The following USP12 variants were observed in gnomAD, a reference collection of about 807,000 sequenced individuals.
USP12 encodes ubiquitin carboxyl-terminal hydrolase 12.
Under a neutral mutation model 45.5 loss-of-function variants are expected in USP12, and 19 were observed. The observed-to-expected ratio is 0.42, with a 90% confidence interval of 0.29 to 0.61. The LOEUF (loss-of-function observed/expected upper bound fraction) is 0.61. Among genes scored for constraint, USP12 ranks in the 20% least tolerant of loss-of-function variants. The pLI, the probability that USP12 is intolerant of heterozygous loss-of-function variation, is 0.22. For missense variants in USP12, 242 were observed against 447.7 expected, an observed-to-expected ratio of 0.54 and a Z score of 4.15; for synonymous variants, 149 against 148.8, an observed-to-expected ratio of 1.00 and a Z score of -0.01.
rs191243677 is a variant in USP12, at chr13:27,118,928, G to C, written c.49-2332C>G. Among the ~76,000 whole-genome samples the C allele has an allele frequency of 4.8e-3, 724 of 152,290 alleles. 6 individuals are homozygous for C. Among genetic ancestry groups the C allele is most frequent in the African/African-American group, 0.015 (619 of 41,562 alleles). On this transcript the variant is annotated intron_variant, in intron 1 of 8. Transcript: ENST00000282344. Reference sequence around the variant, plus strand: ...ACATACTTTCATGCCTGCTTAGTAAGCTCTTCTCCCACTCCCTTGTCCTCA... The same window carrying C: ...ACATACTTTCATGCCTGCTTAGTAACCTCTTCTCCCACTCCCTTGTCCTCA...
Position 27,105,723 on chromosome 13 carries a change from A to G in USP12, c.343+8T>C. Reference sequence around the variant, plus strand: ...GTATGTCATTAATACAGTGGGAAGTAGAATTACCATTTTCTTTCCGTAATC... The same window carrying G: ...GTATGTCATTAATACAGTGGGAAGTGGAATTACCATTTTCTTTCCGTAATC... On this transcript the variant is annotated splice_region_variant and intron_variant, in intron 3 of 8. Coordinates refer to ENST00000282344, the MANE Select transcript of USP12 (RefSeq NM_182488.4). 6.2e-7 allele frequency: 1 copy of G among 1,611,690 alleles called. No individual in the cohort carries two copies.
At chr13:27,167,511 TAGA>T (rs772717016) in intron 1 of USP12, among the ~76,000 whole-genome samples, 5 of 152,152 alleles carry the variant, frequency 3.3e-5, no homozygotes, top group Admixed American at 3.3e-4. Context: ...ATTTATGTAA[TAGA>T]AGATTCCTTA....
At chr13:27,081,466 T>C (rs1020292557) in intron 6 of USP12, among the ~76,000 whole-genome samples, 3 of 152,236 alleles carry the variant, frequency 2.0e-5, no homozygotes, top group African/African-American at 7.2e-5. Flanking sequence ...GTTCTCTTGC[T>C]GTTTCCACCA....
chr13:27,100,371 C>T (rs1015356217), intron 3 of USP12, among the ~76,000 whole-genome samples: 3 of 152,134 alleles, frequency 2.0e-5, no homozygotes, highest in Non-Finnish European at 1.5e-5. Context: ...GTCCTCCATT[C>T]TGTTCTAAAC....
intron 6 of USP12, among the ~76,000 whole-genome samples, chr13:27,083,767 C>T (rs1017287052): frequency 3.9e-5 from 6 of 151,996 alleles, no homozygotes; most frequent in African/African-American, 1.4e-4. Context: ...AAAGCAAATT[C>T]ATTTGATCAT....
intron 2 of USP12, among the ~76,000 whole-genome samples, chr13:27,115,028 T>C (rs17085207): frequency 0.011 from 1,716 of 152,282 alleles, 40 homozygotes; most frequent in African/African-American, 0.039. Flanking sequence ...TTTCTGAGCA[T>C]AATTCACAAT....
At chr13:27,108,866 T>A (rs1459518217) in intron 2 of USP12, among the ~76,000 whole-genome samples, 1 of 152,070 alleles carries the variant, frequency 6.6e-6, no homozygotes, top group Non-Finnish European at 1.5e-5. Context: ...GCTGGGGTGG[T>A]AGAGGCAGAG....
At chr13:27,079,688 A>G (rs1873660167) in intron 6 of USP12, among the ~76,000 whole-genome samples, 1 of 152,206 alleles carries the variant, frequency 6.6e-6, no homozygotes, top group African/African-American at 2.4e-5. Flanking sequence ...ATTTTTATAA[A>G]TTGTGTGAGC....
chr13:27,085,204 G>A (rs969274978), intron 6 of USP12, among the ~76,000 whole-genome samples: 21 of 148,304 alleles, frequency 1.4e-4, no homozygotes, highest in African/African-American at 4.0e-4. Context: ...ATGGAGTCTC[G>A]CTCTGTTGCC....
At chr13:27,141,570 G>A (rs1326360046) in intron 1 of USP12, among the ~76,000 whole-genome samples, 1 of 152,142 alleles carries the variant, frequency 6.6e-6, no homozygotes, top group Non-Finnish European at 1.5e-5. Flanking sequence ...AAACACAGGA[G>A]CCAGCTTGAA....
chr13:27,109,742 C>T (rs545550892), intron 2 of USP12, among the ~76,000 whole-genome samples: 3 of 151,634 alleles, frequency 2.0e-5, no homozygotes, highest in Non-Finnish European at 2.9e-5. Flanking sequence ...GGTGAAACCC[C>T]GTCTCTACTA....
chr13:27,074,708 AGAAGAT>A (rs1324483606), intron 7 of USP12, among the ~76,000 whole-genome samples: 1 of 152,238 alleles, frequency 6.6e-6, no homozygotes, highest in African/African-American at 2.4e-5. Flanking sequence ...ATGTTGGAAA[AGAAGAT>A]GAGAAGAAGA....
At chr13:27,089,582 A>G in intron 6 of USP12, 1 of 248,838 alleles carries the variant, frequency 4.0e-6, no homozygotes, top group Non-Finnish European at 7.9e-6. Context: ...AACCCTCTTC[A>G]CCAAGAAAAA....
intron 1 of USP12, among the ~76,000 whole-genome samples, chr13:27,128,422 T>A (rs1876342104): frequency 6.6e-6 from 1 of 152,200 alleles, no homozygotes; most frequent in Non-Finnish European, 1.5e-5. Context: ...CAGATCCTAC[T>A]TTCCTAACAA....
chr13:27,114,318 C>T (rs1875609567), intron 2 of USP12, among the ~76,000 whole-genome samples: 1 of 152,182 alleles, frequency 6.6e-6, no homozygotes, highest in Admixed American at 6.5e-5. Context: ...AAAATAAGTA[C>T]TAACCAGCTA....
chr13:27,099,295 T>C (rs1269235278), intron 3 of USP12, among the ~76,000 whole-genome samples: 2 of 152,182 alleles, frequency 1.3e-5, no homozygotes, highest in African/African-American at 2.4e-5. Context: ...AAAAATAACA[T>C]AGAGCTTTCC....
At chr13:27,080,529 C>T (rs1249370928) in intron 6 of USP12, among the ~76,000 whole-genome samples, 2 of 152,114 alleles carry the variant, frequency 1.3e-5, no homozygotes, top group Non-Finnish European at 2.9e-5. Flanking sequence ...AAGAACAGGA[C>T]TGGTCCCAGA....
Position 27,161,517 on chromosome 13 carries a change from T to A in USP12, c.48+10075A>T, listed in dbSNP as rs149335490. ...ACCAATACTGTAGAAATAAAGGCAA[T>A]TTACTCACTATAATTTTATACCTTT... On this transcript the variant is annotated intron_variant, in intron 1 of 8. Coordinates refer to ENST00000282344, the MANE Select transcript of USP12 (RefSeq NM_182488.4). Among the ~76,000 whole-genome samples the A allele has an allele frequency of 8.6e-5, 13 of 152,008 alleles. No homozygotes were observed. The East Asian group carries it at 2.3e-3, about 27-fold the overall frequency.
intron 1 of USP12, among the ~76,000 whole-genome samples, chr13:27,123,749 G>C (rs905422772): frequency 1.3e-5 from 2 of 152,086 alleles, no homozygotes; most frequent in Non-Finnish European, 2.9e-5. Flanking sequence ...ATGATTTTGA[G>C]GCCTCCCCAG....
Sources: allele counts gnomAD v4.1 joint callset (sites outside exome capture counted in the v4.1 genomes callset), GRCh38; gene constraint gnomAD v4.1.1; transcripts MANE v1.5; gene names NCBI Gene and HGNC (gene_info 2026-07-23, HGNC 2026-07-21).